The following ADORA2B variants were observed in gnomAD, a reference collection of about 807,000 sequenced individuals.
ADORA2B encodes the protein adenosine A2b receptor.
In ADORA2B, 18 loss-of-function variants were observed where a neutral mutation model predicts 20.8. The ratio of observed to expected loss-of-function variants is 0.87; its 90% CI spans 0.60 to 1.29. The LOEUF is 1.29. Ranked by LOEUF, ADORA2B falls within the 50% of genes most tolerant of loss-of-function variation. The pLI, the probability that ADORA2B is intolerant of heterozygous loss-of-function variation, is 0.00. For missense variants in ADORA2B, 441 were observed against 422.7 expected, an observed-to-expected ratio of 1.04 and a Z score of -0.38; for synonymous variants, 179 against 178.3, an observed-to-expected ratio of 1.00 and a Z score of -0.03.
At chr17:15,890,460 T>TTTTATTTA in the ADORA2B span, among the ~76,000 whole-genome samples, 927 of 83,332 alleles carry the variant, frequency 0.011, 187 homozygotes, top group Non-Finnish European at 0.014. Flanking sequence ...CATTCCTTTC[T>TTTTATTTA]TTTATTTATT....
the ADORA2B span, among the ~76,000 whole-genome samples, chr17:15,937,472 C>A: frequency 1.3e-5 from 2 of 152,194 alleles, no homozygotes; most frequent in Non-Finnish European, 2.9e-5. Context: ...CCAAAGTCAG[C>A]CAAAGGTGAC....
At chr17:15,966,279 C>G (rs1438607897) in intron 1 of ADORA2B, among the ~76,000 whole-genome samples, 1 of 152,188 alleles carries the variant, frequency 6.6e-6, no homozygotes. Context: ...TTCTAAAGTG[C>G]TTTGTACACA....
At chr17:15,859,195 C>G in the ADORA2B span, among the ~76,000 whole-genome samples, 1 of 152,094 alleles carries the variant, frequency 6.6e-6, no homozygotes, top group African/African-American at 2.4e-5. Context: ...GTAAATACCT[C>G]ATTGACAGTA....
the ADORA2B span, among the ~76,000 whole-genome samples, chr17:15,864,401 G>A: frequency 1.3e-5 from 2 of 151,984 alleles, no homozygotes; most frequent in Non-Finnish European, 2.9e-5. Context: ...AAGTGTTACC[G>A]ATCATGGGTT....
the ADORA2B span, among the ~76,000 whole-genome samples, chr17:15,851,660 G>A: frequency 6.6e-6 from 1 of 152,194 alleles, no homozygotes; most frequent in African/African-American, 2.4e-5. Context: ...CACTTAATAA[G>A]CCAAGCTTTA....
chr17:15,892,674 T>G, the ADORA2B span, among the ~76,000 whole-genome samples: 1,865 of 151,444 alleles, frequency 0.012, 34 homozygotes, highest in African/African-American at 0.044. Context: ...TTTTTGACTT[T>G]AGCAGTTAGT....
the ADORA2B span, among the ~76,000 whole-genome samples, chr17:15,917,508 G>A: frequency 6.6e-6 from 1 of 152,230 alleles, no homozygotes; most frequent in Non-Finnish European, 1.5e-5. Flanking sequence ...GACGGTGCAG[G>A]CTGGGCTGGG....
chr17:15,953,553 G>A (rs1410290922), intron 1 of ADORA2B, among the ~76,000 whole-genome samples: 2 of 152,184 alleles, frequency 1.3e-5, no homozygotes, highest in Non-Finnish European at 2.9e-5. Context: ...CAGGCCCGTG[G>A]CTCATGCCAG....
the ADORA2B span, among the ~76,000 whole-genome samples, chr17:15,884,500 A>C: frequency 0.04 from 6,100 of 152,168 alleles, 435 homozygotes; most frequent in African/African-American, 0.14. Flanking sequence ...CAGATCAACA[A>C]ATCACCCATC....
At chr17:15,917,687 T>A in the ADORA2B span, among the ~76,000 whole-genome samples, 2 of 152,202 alleles carry the variant, frequency 1.3e-5, no homozygotes, top group African/African-American at 4.8e-5. Flanking sequence ...TCCGCGCCGG[T>A]GACGGGGGCT....
intron 1 of ADORA2B, among the ~76,000 whole-genome samples, chr17:15,968,447 G>C (rs1222033488): frequency 6.6e-6 from 1 of 152,184 alleles, no homozygotes; most frequent in East Asian, 1.9e-4. Context: ...TTCCTACAGA[G>C]GTTGTGCTGA....
At chr17:15,938,633 T>C in the ADORA2B span, among the ~76,000 whole-genome samples, 6 of 152,198 alleles carry the variant, frequency 3.9e-5, no homozygotes, top group African/African-American at 1.4e-4. Context: ...AGTTTCCCAG[T>C]AGGAGCAATA....
chr17:15,938,538 A>G, the ADORA2B span, among the ~76,000 whole-genome samples: 1 of 152,276 alleles, frequency 6.6e-6, no homozygotes, highest in African/African-American at 2.4e-5. Context: ...TCCTGACTTC[A>G]GGATCCACCC....
chr17:15,869,498 CCTAT>C, the ADORA2B span, among the ~76,000 whole-genome samples: 5 of 151,946 alleles, frequency 3.3e-5, no homozygotes, highest in African/African-American at 1.2e-4. Flanking sequence ...TATATTATGA[CCTAT>C]AATTTGGAGG....
At chr17:15,875,255 G>A in the ADORA2B span, among the ~76,000 whole-genome samples, 2 of 151,014 alleles carry the variant, frequency 1.3e-5, no homozygotes, top group South Asian at 2.1e-4. Flanking sequence ...ATAGTCAAGC[G>A]TTTTCAAGTC....
intron 1 of ADORA2B, among the ~76,000 whole-genome samples, chr17:15,948,341 C>G (rs76392987): frequency 0.012 from 1,749 of 146,726 alleles, 41 homozygotes; most frequent in African/African-American, 0.041. Context: ...TGGCCACAAA[C>G]AGAAGTCCAT....
the ADORA2B span, among the ~76,000 whole-genome samples, chr17:15,921,102 TATC>T: frequency 6.6e-6 from 1 of 152,246 alleles, no homozygotes; most frequent in Non-Finnish European, 1.5e-5. Flanking sequence ...GTGTGAGTTT[TATC>T]ATCCATCTCC....
At chr17:15,875,119 T>C in the ADORA2B span, among the ~76,000 whole-genome samples, 4 of 152,230 alleles carry the variant, frequency 2.6e-5, no homozygotes, top group Admixed American at 2.6e-4. Context: ...TCAAAATTTG[T>C]AACAGTTTTT....
the ADORA2B span, among the ~76,000 whole-genome samples, chr17:15,867,588 C>T: frequency 8.7e-5 from 13 of 149,750 alleles, no homozygotes; most frequent in South Asian, 2.1e-4. Context: ...GTCAGCCCCC[C>T]GCCCGGCCAG....
Sources: allele counts gnomAD v4.1 joint callset (sites outside exome capture counted in the v4.1 genomes callset), GRCh38; gene constraint gnomAD v4.1.1; transcripts MANE v1.5; gene names NCBI Gene and HGNC (gene_info 2026-07-23, HGNC 2026-07-21).